Variants in NRG1 observed in about 807,000 individuals in gnomAD.
NRG1 encodes pro-neuregulin-1, membrane-bound isoform.
In NRG1, 18 loss-of-function variants were observed where a neutral mutation model predicts 63.8. That is an observed-to-expected ratio of 0.28 (90% confidence interval 0.19 to 0.42). NRG1 has a LOEUF of 0.42. Among genes scored for constraint, NRG1 ranks in the 10% least tolerant of loss-of-function variants. NRG1 has a pLI of 1.00. For synonymous variants in NRG1, 302 were observed against 301.3 expected, an observed-to-expected ratio of 1.00 and a Z score of -0.02; for missense variants, 762 against 814.7, an observed-to-expected ratio of 0.94 and a Z score of 0.79.
intron 1 of NRG1, among the ~76,000 whole-genome samples, chr8:31,956,378 G>A (rs914982075): frequency 6.6e-6 from 1 of 152,118 alleles, no homozygotes; most frequent in Non-Finnish European, 1.5e-5. Flanking sequence ...AGCACTTTGG[G>A]AGGCTGAGGT....
intron 1 of NRG1, among the ~76,000 whole-genome samples, chr8:32,116,791 T>C (rs1463791503): frequency 6.6e-6 from 1 of 152,088 alleles, no homozygotes; most frequent in Non-Finnish European, 1.5e-5. Flanking sequence ...TCAAACTTAA[T>C]GGAACCATAT....
intron 1 of NRG1, among the ~76,000 whole-genome samples, chr8:31,688,227 C>G (rs1809110430): frequency 6.6e-6 from 1 of 152,098 alleles, no homozygotes; most frequent in South Asian, 2.1e-4. Context: ...AACCTGATCT[C>G]CAAAGTGATG....
intron 6 of NRG1, among the ~76,000 whole-genome samples, chr8:32,734,949 T>C (rs986238061): frequency 7.2e-5 from 11 of 152,186 alleles, no homozygotes; most frequent in African/African-American, 2.6e-4. Flanking sequence ...CCTGATGGAG[T>C]CTGTAGGCTA....
chr8:32,090,777 G>C (rs7842520), intron 1 of NRG1, among the ~76,000 whole-genome samples: 333 of 152,280 alleles, frequency 2.2e-3, no homozygotes, highest in African/African-American at 7.7e-3. Flanking sequence ...AGTAAGATGA[G>C]CAGGAAGAAG....
intron 1 of NRG1, among the ~76,000 whole-genome samples, chr8:32,499,133 C>G (rs941539940): frequency 6.6e-6 from 1 of 152,184 alleles, no homozygotes; most frequent in African/African-American, 2.4e-5. Flanking sequence ...CACATTCCCA[C>G]TGATCTCACT....
intron 1 of NRG1, among the ~76,000 whole-genome samples, chr8:32,264,410 A>G (rs899247193): frequency 1.3e-5 from 2 of 152,186 alleles, no homozygotes; most frequent in South Asian, 2.1e-4. Context: ...GCACAAAAAA[A>G]TGTGTATAAT....
chr8:32,475,373 G>A (rs1229272478), intron 1 of NRG1, among the ~76,000 whole-genome samples: 1 of 146,404 alleles, frequency 6.8e-6, no homozygotes, highest in Non-Finnish European at 1.5e-5. Context: ...GCTGAGGTAG[G>A]AGATTCACTT....
At chr8:32,253,608 G>A (rs995443372) in intron 1 of NRG1, among the ~76,000 whole-genome samples, 15 of 152,122 alleles carry the variant, frequency 9.9e-5, no homozygotes, top group African/African-American at 3.6e-4. Flanking sequence ...TTTTATTCAG[G>A]ATTTTTGCAT....
intron 1 of NRG1, among the ~76,000 whole-genome samples, chr8:32,224,580 T>A (rs1170275599): frequency 6.6e-6 from 1 of 152,232 alleles, no homozygotes; most frequent in Non-Finnish European, 1.5e-5. Flanking sequence ...AAACGAACTG[T>A]GTATTACAGG....
chr8:31,669,061 T>C (rs961257666), intron 1 of NRG1, among the ~76,000 whole-genome samples: 9 of 152,124 alleles, frequency 5.9e-5, no homozygotes, highest in African/African-American at 2.2e-4. Flanking sequence ...TATTTTTCTT[T>C]TTCTGTTTTT....
At chr8:32,763,261 T>C in intron 11 of NRG1, 1 of 1,614,042 alleles carries the variant, frequency 6.2e-7, no homozygotes, top group Non-Finnish European at 8.5e-7. Flanking sequence ...GGCACACAGA[T>C]CCAAATGCAT....
At chr8:31,656,614 A>G (rs190756751) in intron 1 of NRG1, among the ~76,000 whole-genome samples, 66 of 152,318 alleles carry the variant, frequency 4.3e-4, no homozygotes, top group African/African-American at 1.3e-3. Context: ...GAGAGACCCA[A>G]TGGATAGTTT....
intron 1 of NRG1, among the ~76,000 whole-genome samples, chr8:31,898,715 A>T (rs1389045968): frequency 6.6e-6 from 1 of 152,184 alleles, no homozygotes; most frequent in Non-Finnish European, 1.5e-5. Context: ...AAAATAAATA[A>T]ATACGTAAAT....
intron 1 of NRG1, among the ~76,000 whole-genome samples, chr8:31,743,072 C>T (rs189381230): frequency 2.0e-5 from 3 of 152,100 alleles, no homozygotes; most frequent in Admixed American, 1.3e-4. Context: ...GTCCCATCAC[C>T]GTTTTGAGCT....
At chr8:32,638,999 G>A (rs1851825362) in intron 5 of NRG1, among the ~76,000 whole-genome samples, 1 of 151,600 alleles carries the variant, frequency 6.6e-6, no homozygotes, top group African/African-American at 2.4e-5. Context: ...GTTCCCTTTG[G>A]TGCAACTTTG....
intron 6 of NRG1, among the ~76,000 whole-genome samples, chr8:32,735,756 A>G (rs1333286710): frequency 6.6e-6 from 1 of 152,194 alleles, no homozygotes; most frequent in Non-Finnish European, 1.5e-5. Context: ...GCAGATGAGC[A>G]TTTCAGAGCA....
chr8:32,046,463 C>G (rs1821014020), intron 1 of NRG1, among the ~76,000 whole-genome samples: 1 of 151,944 alleles, frequency 6.6e-6, no homozygotes, highest in African/African-American at 2.4e-5. Flanking sequence ...TGCTAGCAAA[C>G]TTTAAATTTA....
chr8:32,236,354 A>T (rs192023998), intron 1 of NRG1, among the ~76,000 whole-genome samples: 3 of 152,302 alleles, frequency 2.0e-5, no homozygotes, highest in East Asian at 3.9e-4. Context: ...TCCCTGCTGC[A>T]TACAACTTCC....
chr8:32,417,475 A>G (rs891048357), intron 1 of NRG1, among the ~76,000 whole-genome samples: 3 of 152,096 alleles, frequency 2.0e-5, no homozygotes, highest in Admixed American at 6.6e-5. Flanking sequence ...GATAGAATGT[A>G]TATCAGAAGT....
Sources: gnomAD v4.1 joint callset for allele counts (sites outside exome capture counted in the v4.1 genomes callset) on GRCh38, gnomAD v4.1.1 for gene constraint, MANE v1.5 for transcripts, NCBI Gene and HGNC (gene_info 2026-07-23, HGNC 2026-07-21) for gene names.